Variants in PPARG observed in about 807,000 individuals in gnomAD.
PPARG encodes the protein peroxisome proliferator activated receptor gamma, also known as peroxisome proliferator-activated receptor gamma.
Under a neutral mutation model 39.2 loss-of-function variants are expected in PPARG, and 17 were observed. The ratio of observed to expected loss-of-function variants is 0.43; its 90% CI spans 0.30 to 0.65. The LOEUF (loss-of-function observed/expected upper bound fraction) is 0.65. Among genes scored for constraint, PPARG ranks in the 30% least tolerant of loss-of-function variants. The probability of loss-of-function intolerance (pLI) is 0.13; values close to 1 mark genes in which losing one functional copy is unlikely to be tolerated. For synonymous variants in PPARG, 223 were observed against 215.7 expected (o/e 1.03, Z -0.30); for missense variants, 406 against 585.9 (o/e 0.69, Z 3.17).
chr3:12,375,702 G>A (rs961694537), intron 2 of PPARG, among the ~76,000 whole-genome samples: 1 of 152,170 alleles, frequency 6.6e-6, no homozygotes, highest in African/African-American at 2.4e-5. Flanking sequence ...ACAGTTGGAT[G>A]GGTGCCCTGT....
Position 12,426,471 on chromosome 3 carries a change from G to A in PPARG, c.1181-7427G>A, listed in dbSNP as rs577493267. The stretch of plus-strand genomic sequence containing the variant: ...ATTAATTTAAGCTGGCCCTGCTAGC[G>A]TTCTTATAAATCCCCAGCAAGATGC... On this transcript the variant is annotated intron_variant, in intron 7 of 7. Transcript: ENST00000651735. Among the ~76,000 whole-genome samples the A allele has an allele frequency of 8.6e-4, 131 of 152,016 alleles. 1 individual carries two copies. Among genetic ancestry groups the A allele is most frequent in the Non-Finnish European group, 4.3e-4 (29 of 68,012 alleles).
At chr3:12,416,115 A>G (rs2051047999) in intron 6 of PPARG, among the ~76,000 whole-genome samples, 1 of 152,248 alleles carries the variant, frequency 6.6e-6, no homozygotes, top group African/African-American at 2.4e-5. Context: ...GTGGTGGCTC[A>G]TGCCTGTAAT....
At chr3:12,322,958 T>G (rs930565307) in intron 2 of PPARG, among the ~76,000 whole-genome samples, 1 of 151,976 alleles carries the variant, frequency 6.6e-6, no homozygotes, top group East Asian at 1.9e-4. Flanking sequence ...TACAACACCA[T>G]GCCTAGCTAA....
intron 7 of PPARG, among the ~76,000 whole-genome samples, chr3:12,418,789 A>G (rs937490462): frequency 3.3e-5 from 5 of 152,222 alleles, no homozygotes; most frequent in Admixed American, 6.5e-5. Context: ...CTACCATCAC[A>G]TCATGCGGAA....
At chr3:12,369,768 T>A (rs1301505876) in intron 2 of PPARG, among the ~76,000 whole-genome samples, 1 of 152,230 alleles carries the variant, frequency 6.6e-6, no homozygotes, top group Non-Finnish European at 1.5e-5. Flanking sequence ...TGCTTAGCTA[T>A]TTACTTTTCT....
At chr3:12,332,978 C>T (rs924199960) in intron 2 of PPARG, among the ~76,000 whole-genome samples, 3 of 152,100 alleles carry the variant, frequency 2.0e-5, no homozygotes, top group African/African-American at 7.2e-5. Flanking sequence ...CTCCAGTGAG[C>T]CATGTTCACA....
chr3:12,421,714 C>T (rs911551407), intron 7 of PPARG, among the ~76,000 whole-genome samples: 4 of 152,332 alleles, frequency 2.6e-5, no homozygotes, highest in East Asian at 1.9e-4. Context: ...TTGCCATCGC[C>T]GTCCTAATGA....
intron 7 of PPARG, among the ~76,000 whole-genome samples, chr3:12,429,912 C>G (rs1419146842): frequency 6.6e-6 from 1 of 152,204 alleles, no homozygotes; most frequent in Non-Finnish European, 1.5e-5. Context: ...AATCTGAGAT[C>G]TTTTGCTGAT....
At chr3:12,405,166 C>G (rs2050615353) in intron 5 of PPARG, among the ~76,000 whole-genome samples, 1 of 152,298 alleles carries the variant, frequency 6.6e-6, no homozygotes, top group African/African-American at 2.4e-5. Context: ...CCAAACTAGT[C>G]CCCACTAACC....
intron 2 of PPARG, among the ~76,000 whole-genome samples, chr3:12,367,730 T>G (rs1314326617): frequency 6.6e-6 from 1 of 150,952 alleles, no homozygotes; most frequent in Non-Finnish European, 1.5e-5. Flanking sequence ...AAAAATTAGA[T>G]GAATGTGGTG....
At chr3:12,409,244 G>T (rs376938487) in intron 6 of PPARG, among the ~76,000 whole-genome samples, 1 of 152,330 alleles carries the variant, frequency 6.6e-6, no homozygotes, top group African/African-American at 2.4e-5. Context: ...CATCATTGAT[G>T]ATCTGGATTC....
chr3:12,323,943 G>T (rs2047618604), intron 2 of PPARG, among the ~76,000 whole-genome samples: 1 of 152,146 alleles, frequency 6.6e-6, no homozygotes, highest in African/African-American at 2.4e-5. Flanking sequence ...AGGCAGCTGA[G>T]TCAAGTACAG....
intron 7 of PPARG, among the ~76,000 whole-genome samples, chr3:12,428,454 C>T (rs996534182): frequency 1.3e-5 from 2 of 152,274 alleles, no homozygotes; most frequent in Non-Finnish European, 2.9e-5. Context: ...TTGGCCCTGG[C>T]CCTACTCCAG....
chr3:12,293,297 T>C (rs1331953890), intron 1 of PPARG, among the ~76,000 whole-genome samples: 1 of 152,212 alleles, frequency 6.6e-6, no homozygotes. Context: ...TTTATTCCAC[T>C]TCATTGATTT....
chr3:12,418,658 C>T (rs1363435236), intron 7 of PPARG, among the ~76,000 whole-genome samples: 1 of 152,168 alleles, frequency 6.6e-6, no homozygotes, highest in Non-Finnish European at 1.5e-5. Flanking sequence ...AAGTAAGGAC[C>T]ATTTTACAAA....
intron 1 of PPARG, among the ~76,000 whole-genome samples, chr3:12,298,298 CAAAAAAAAAAAAAAAAA>C: frequency 2.4e-5 from 1 of 41,356 alleles, no homozygotes; most frequent in East Asian, 7.3e-4. Flanking sequence ...GACTCTGTCT[CAAAAAAAAAAAAAAAAA>C]AAAAAAAAAA....
chr3:12,378,592 C>T (rs564991901), intron 2 of PPARG, among the ~76,000 whole-genome samples: 2 of 152,028 alleles, frequency 1.3e-5, no homozygotes, highest in African/African-American at 4.8e-5. Flanking sequence ...AAGACAAATA[C>T]CACATGATCC....
At chr3:12,287,945 G>A (rs981977942), upstream of PPARG, 10 of 148,174 alleles carry the variant, frequency 6.7e-5, no homozygotes, top group Non-Finnish European at 1.2e-4. Context: ...CCGAGCCCGA[G>A]CCGCAGCCGC....
intron 2 of PPARG, among the ~76,000 whole-genome samples, chr3:12,345,361 G>A (rs369274627): frequency 2.6e-5 from 4 of 152,200 alleles, no homozygotes; most frequent in Non-Finnish European, 2.9e-5. Flanking sequence ...AAACCCTGTG[G>A]TGAATGATGA....
Sources: gnomAD v4.1 joint callset for allele counts (sites outside exome capture counted in the v4.1 genomes callset) on GRCh38, gnomAD v4.1.1 for gene constraint, MANE v1.5 for transcripts, NCBI Gene and HGNC (gene_info 2026-07-23, HGNC 2026-07-21) for gene names.